The following SOX5 variants were observed in gnomAD, a reference collection of about 807,000 sequenced individuals.
SOX5 encodes transcription factor SOX-5.
In SOX5, 9 loss-of-function variants were observed where a neutral mutation model predicts 92.0. The ratio of observed to expected loss-of-function variants is 0.10; its 90% CI spans 0.06 to 0.17. The LOEUF is 0.17. Among genes scored for constraint, SOX5 ranks in the 10% least tolerant of loss-of-function variants. The probability of loss-of-function intolerance (pLI) is 1.00; values close to 1 mark genes in which losing one functional copy is unlikely to be tolerated. For missense variants in SOX5, 642 were observed against 944.5 expected, an observed-to-expected ratio of 0.68 and a Z score of 4.20; for synonymous variants, 344 against 336.3, an observed-to-expected ratio of 1.02 and a Z score of -0.25.
intron 6 of SOX5, among the ~76,000 whole-genome samples, chr12:23,731,932 G>A (rs1438864542): frequency 1.3e-5 from 2 of 152,102 alleles, no homozygotes; most frequent in Non-Finnish European, 2.9e-5. Context: ...ATTTAAGTTA[G>A]TATGTTTATT....
chr12:23,659,039 T>A (rs927657105), intron 7 of SOX5, among the ~76,000 whole-genome samples: 1 of 152,234 alleles, frequency 6.6e-6, no homozygotes, highest in Non-Finnish European at 1.5e-5. Flanking sequence ...GATAAAAGCG[T>A]ACCATGTTGA....
intron 3 of SOX5, among the ~76,000 whole-genome samples, chr12:23,773,446 G>A (rs11047091): frequency 0.32 from 49,309 of 151,992 alleles, 8,311 homozygotes; most frequent in East Asian, 0.58. Flanking sequence ...ATCTCGGCTC[G>A]CTGCAACTTC....
At chr12:24,329,977 C>T (rs758477356) in intron 2 of SOX5, among the ~76,000 whole-genome samples, 1 of 152,120 alleles carries the variant, frequency 6.6e-6, no homozygotes, top group Non-Finnish European at 1.5e-5. Context: ...GAGCTGAGAT[C>T]GTGCCATTGC....
intron 4 of SOX5, among the ~76,000 whole-genome samples, chr12:24,114,078 C>T (rs1184228362): frequency 6.6e-6 from 1 of 152,086 alleles, no homozygotes; most frequent in East Asian, 1.9e-4. Flanking sequence ...ACCCATCTTC[C>T]TAAGTGAGGT....
chr12:23,822,009 C>A (rs1412652390), intron 3 of SOX5, among the ~76,000 whole-genome samples: 1 of 151,428 alleles, frequency 6.6e-6, no homozygotes, highest in Non-Finnish European at 1.5e-5. Context: ...CTATTTGATT[C>A]TTCTCTCTTT....
chr12:24,359,735 G>A (rs893241188), intron 2 of SOX5, among the ~76,000 whole-genome samples: 2 of 152,138 alleles, frequency 1.3e-5, no homozygotes, highest in African/African-American at 2.4e-5. Flanking sequence ...AAGGAAGAAG[G>A]CTAAGATTTT....
chr12:23,877,911 A>G (rs1190626647), intron 2 of SOX5, among the ~76,000 whole-genome samples: 1 of 151,946 alleles, frequency 6.6e-6, no homozygotes, highest in East Asian at 1.9e-4. Flanking sequence ...AAGTTTATCT[A>G]GTTTTCTCAC....
chr12:23,809,714 G>A (rs2095843676), intron 3 of SOX5, among the ~76,000 whole-genome samples: 1 of 148,152 alleles, frequency 6.7e-6, no homozygotes, highest in African/African-American at 2.5e-5. Flanking sequence ...AAACCAGGAG[G>A]AAAACTCATT....
intron 1 of SOX5, among the ~76,000 whole-genome samples, chr12:24,482,321 T>A (rs889107680): frequency 1.3e-5 from 2 of 152,168 alleles, no homozygotes; most frequent in African/African-American, 4.8e-5. Context: ...ATAAGTATAA[T>A]TCACCAGAGG....
chr12:24,118,878 G>A (rs1948336442), intron 4 of SOX5, among the ~76,000 whole-genome samples: 1 of 152,092 alleles, frequency 6.6e-6, no homozygotes, highest in Non-Finnish European at 1.5e-5. Context: ...AATACCAGCA[G>A]TAACTGAGAT....
At chr12:23,983,121 T>TA (rs398018864) in intron 4 of SOX5, among the ~76,000 whole-genome samples, 2 of 146,698 alleles carry the variant, frequency 1.4e-5, no homozygotes, top group African/African-American at 2.5e-5. Context: ...TTTTTTTTTT[T>TA]AAGTAAGCCC....
intron 4 of SOX5, among the ~76,000 whole-genome samples, chr12:23,959,384 A>G (rs981498708): frequency 1.6e-4 from 25 of 152,000 alleles, no homozygotes; most frequent in Non-Finnish European, 2.6e-4. Context: ...GTTAGTCAAT[A>G]CTATAGATGG....
chr12:24,462,155 C>A (rs191915807), intron 1 of SOX5, among the ~76,000 whole-genome samples: 1 of 152,194 alleles, frequency 6.6e-6, no homozygotes, highest in Admixed American at 6.5e-5. Context: ...ATGATATAGT[C>A]TCTTACATAC....
At chr12:24,286,706 T>C (rs140864670) in intron 2 of SOX5, among the ~76,000 whole-genome samples, 3 of 152,232 alleles carry the variant, frequency 2.0e-5, no homozygotes, top group Middle Eastern at 3.4e-3. Context: ...TCTGGCAGGA[T>C]TATGGGGACA....
chr12:23,827,729 T>C (rs12825047), intron 3 of SOX5, among the ~76,000 whole-genome samples: 17,860 of 152,216 alleles, frequency 0.12, 1,226 homozygotes, highest in Non-Finnish European at 0.15. Context: ...GGTTAATAGA[T>C]GGATCCTTTA....
At chr12:23,746,400 G>C (rs183953600) in intron 4 of SOX5, among the ~76,000 whole-genome samples, 44 of 152,212 alleles carry the variant, frequency 2.9e-4, no homozygotes, top group Non-Finnish European at 4.6e-4. Context: ...TAACCCTATG[G>C]AGACACAGTC....
chr12:24,313,469 A>G (rs1304180743), intron 2 of SOX5, among the ~76,000 whole-genome samples: 1 of 152,156 alleles, frequency 6.6e-6, no homozygotes, highest in Non-Finnish European at 1.5e-5. Flanking sequence ...GATCAAAGTT[A>G]CAGTGAGCTA....
chr12:23,683,324 A>T (rs1041538390), intron 6 of SOX5, among the ~76,000 whole-genome samples: 4 of 151,868 alleles, frequency 2.6e-5, no homozygotes, highest in African/African-American at 7.2e-5. Context: ...TATATTTTTT[A>T]AAAAATGAAA....
intron 4 of SOX5, among the ~76,000 whole-genome samples, chr12:23,982,232 A>G (rs981644934): frequency 2.6e-5 from 4 of 152,214 alleles, no homozygotes; most frequent in Non-Finnish European, 5.9e-5. Context: ...TGACCTCCAG[A>G]AAAATGACTT....
Sources: gnomAD v4.1 joint callset for allele counts (sites outside exome capture counted in the v4.1 genomes callset) on GRCh38, gnomAD v4.1.1 for gene constraint, MANE v1.5 for transcripts, NCBI Gene and HGNC (gene_info 2026-07-23, HGNC 2026-07-21) for gene names.